Variants in PTGFR observed in about 807,000 individuals in gnomAD.
The protein encoded by PTGFR is prostaglandin F receptor, also known as prostaglandin F2-alpha receptor.
A neutral mutation model predicts 26.2 loss-of-function variants in PTGFR; 15 were observed. The ratio of observed to expected loss-of-function variants is 0.57; its 90% CI spans 0.38 to 0.88. The LOEUF is 0.88. Among genes scored for constraint, PTGFR ranks in the 40% least tolerant of loss-of-function variants. The pLI, the probability that PTGFR is intolerant of heterozygous loss-of-function variation, is 0.00. For missense variants in PTGFR, 369 were observed against 427.2 expected, an observed-to-expected ratio of 0.86 and a Z score of 1.20; for synonymous variants, 165 against 151.1, an observed-to-expected ratio of 1.09 and a Z score of -0.68.
chr1:78,518,901 A>G lies in PTGFR; in HGVS notation c.799-17505A>G, dbSNP rs566890522. Among the ~76,000 whole-genome samples the G allele has an allele frequency of 1.1e-3, 164 of 152,200 alleles. 2 individuals are homozygous for G. The highest frequency in any genetic ancestry group is 3.8e-3 in the African/African-American group (158 of 41,552). ...TTCTGGGAAGTAAAAGAGACAGAGC[A>G]CCGTAGCTAACCTCAGTGAATTCTG... On this transcript the variant is annotated intron_variant, in intron 2 of 2. Coordinates refer to ENST00000370757, the MANE Select transcript of PTGFR (RefSeq NM_000959.4).
rs571128425 is a variant in PTGFR, at chr1:78,522,423, T to C, written c.799-13983T>C. ...ATATTCACAGGTTCCAGGGCCTAGG[T>C]TGGGCATATTAAAGGGGTCATTTTT... On this transcript the variant is annotated intron_variant, in intron 2 of 2. Transcript: ENST00000370757. 5.3e-5 allele frequency among the ~76,000 whole-genome samples: 8 copies of C among 152,182 alleles called. No individual in the cohort carries two copies. In the East Asian group the frequency reaches 5.8e-4, roughly 11 times the overall value.
chr1:78,508,797 AAT>A (rs1291060065), intron 2 of PTGFR, among the ~76,000 whole-genome samples: 1 of 152,164 alleles, frequency 6.6e-6, no homozygotes, highest in East Asian at 1.9e-4. Context: ...ATTCTGTATA[AAT>A]TATAACGGCA....
chr1:78,501,799 A>G (rs1649712922), intron 2 of PTGFR, among the ~76,000 whole-genome samples: 1 of 152,194 alleles, frequency 6.6e-6, no homozygotes, highest in East Asian at 1.9e-4. Context: ...GAGTTACTCT[A>G]AGACAATTGT....
At chr1:78,519,209 A>C (rs2100382345) in intron 2 of PTGFR, among the ~76,000 whole-genome samples, 1 of 152,288 alleles carries the variant, frequency 6.6e-6, no homozygotes, top group South Asian at 2.1e-4. Context: ...TCCCAAGTCT[A>C]TACTTGAACC....
chr1:78,540,065 T>C lies in PTGFR; in HGVS notation c.*3378T>C, dbSNP rs1278123280. 6.6e-6 allele frequency among the ~76,000 whole-genome samples: 1 copy of C among 152,036 alleles called. No individual in the cohort carries two copies. The highest frequency in any genetic ancestry group is 1.5e-5 in the Non-Finnish European group (1 of 67,980). Reference sequence around the variant, plus strand: ...ACAGCGCCATAAACTTCACAAAAGTTTGTATCTCCCACATGGTTCCTGTCC... The same window carrying C: ...ACAGCGCCATAAACTTCACAAAAGTCTGTATCTCCCACATGGTTCCTGTCC... On this transcript the variant is annotated 3_prime_UTR_variant, in exon 3 of 3. Coordinates refer to ENST00000370757, the MANE Select transcript of PTGFR (RefSeq NM_000959.4).
chr1:78,500,641 G>T, intron 2 of PTGFR, among the ~76,000 whole-genome samples: 1 of 152,214 alleles, frequency 6.6e-6, no homozygotes, highest in East Asian at 1.9e-4. Context: ...TCTCTGGAAA[G>T]CTTCCTGCGT....
At chr1:78,535,031 G>A (rs1650611703) in intron 2 of PTGFR, among the ~76,000 whole-genome samples, 1 of 152,170 alleles carries the variant, frequency 6.6e-6, no homozygotes, top group Admixed American at 6.6e-5. Context: ...TGGAGAGAGA[G>A]TAATGATGAG....
chr1:78,491,997 C>T (rs1041305206), intron 1 of PTGFR, among the ~76,000 whole-genome samples: 1 of 152,194 alleles, frequency 6.6e-6, no homozygotes, highest in Non-Finnish European at 1.5e-5. Context: ...GAGCGTGGCC[C>T]GCCCCCTTCC....
chr1:78,504,512 G>A (rs971221641), intron 2 of PTGFR, among the ~76,000 whole-genome samples: 1 of 152,012 alleles, frequency 6.6e-6, no homozygotes, highest in African/African-American at 2.4e-5. Flanking sequence ...TATTATAAAA[G>A]CAGTTGTTTG....
intron 2 of PTGFR, among the ~76,000 whole-genome samples, chr1:78,504,931 A>C (rs912337749): frequency 6.6e-6 from 1 of 152,064 alleles, no homozygotes; most frequent in Non-Finnish European, 1.5e-5. Context: ...TATTAGCTTT[A>C]TGTACAATTA....
intron 2 of PTGFR, among the ~76,000 whole-genome samples, chr1:78,506,845 T>G (rs561738705): frequency 6.6e-6 from 1 of 152,316 alleles, no homozygotes; most frequent in African/African-American, 2.4e-5. Flanking sequence ...TTCCTGTTTC[T>G]TTGTTTATTG....
intron 2 of PTGFR, among the ~76,000 whole-genome samples, chr1:78,513,958 A>G (rs1451382068): frequency 6.6e-6 from 1 of 152,228 alleles, no homozygotes; most frequent in African/African-American, 2.4e-5. Flanking sequence ...GCAAAAGTGA[A>G]GGAGGTTTGG....
Position 78,538,208 on chromosome 1 carries a change from G to T in PTGFR, c.*1521G>T, listed in dbSNP as rs1336656760. ...ACCATTCTCCATCCTTCCTTATCAT[G>T]CTGGGTACAATGCTTCTATGAATAT... On this transcript the variant is annotated 3_prime_UTR_variant, in exon 3 of 3. Coordinates refer to ENST00000370757, the MANE Select transcript of PTGFR (RefSeq NM_000959.4). 1 of 152,074 alleles carries T rather than the reference G, an allele frequency of 6.6e-6. No individual in the cohort carries two copies. Among genetic ancestry groups the T allele is most frequent in the African/African-American group, 2.4e-5 (1 of 41,420 alleles). The allele number at this position is 152,074 out of a possible 1,614,324, so 9.4% of individuals were successfully genotyped here.
chr1:78,514,464 A>G (rs1650046196), intron 2 of PTGFR, among the ~76,000 whole-genome samples: 1 of 152,016 alleles, frequency 6.6e-6, no homozygotes, highest in Admixed American at 6.6e-5. Context: ...GGGAATGTAA[A>G]CCCAATGTCT....
At chr1:78,502,191 G>A (rs1339303648) in intron 2 of PTGFR, among the ~76,000 whole-genome samples, 1 of 152,108 alleles carries the variant, frequency 6.6e-6, no homozygotes, top group East Asian at 1.9e-4. Context: ...AATTTGTGAG[G>A]TATTAATTAT....
intron 2 of PTGFR, among the ~76,000 whole-genome samples, chr1:78,493,861 A>G (rs1336341297): frequency 2.0e-5 from 3 of 151,212 alleles, no homozygotes; most frequent in Non-Finnish European, 4.4e-5. Flanking sequence ...ATGACCAACT[A>G]TAAAACAACA....
chr1:78,508,957 A>G lies in PTGFR; in HGVS notation c.798+15416A>G, dbSNP rs188782793. Among the ~76,000 whole-genome samples the G allele has an allele frequency of 8.5e-5, 13 of 152,292 alleles. No individual in the cohort carries two copies. In the East Asian group the frequency reaches 2.5e-3, roughly 29 times the overall value. On this transcript the variant is annotated intron_variant, in intron 2 of 2. Coordinates refer to ENST00000370757, the MANE Select transcript of PTGFR (RefSeq NM_000959.4). ...TAGTGAGATGTTTGGGTATTTTGGT[A>G]TAGTCTAAGGAACTTTTAGTGCCAT...
At chr1:78,532,898 G>A (rs1031113469) in intron 2 of PTGFR, among the ~76,000 whole-genome samples, 5 of 152,236 alleles carry the variant, frequency 3.3e-5, no homozygotes, top group Non-Finnish European at 5.9e-5. Context: ...TATTAAGTAA[G>A]AGGTTATTTC....
chr1:78,539,868 T>G lies in PTGFR; in HGVS notation c.*3181T>G, dbSNP rs1197075985. The G allele has an allele frequency of 6.6e-6, 1 of 152,152 alleles. No homozygotes were observed. Among genetic ancestry groups the G allele is most frequent in the East Asian group, 1.9e-4 (1 of 5,192 alleles). 9.4% of individuals were successfully genotyped at this position (152,152 alleles called of 1,614,324 possible). A position where few individuals can be genotyped will look rare whatever the true frequency, so the allele number is the denominator to read the frequency against. ...CAACTTAATTTCCATTATTACCTTT[T>G]GCTCTCCCACCCTGCCCAATCTTCT... is the stretch of plus-strand genomic sequence containing the variant. On this transcript the variant is annotated 3_prime_UTR_variant, in exon 3 of 3. Transcript: ENST00000370757.
Sources: gnomAD v4.1 joint callset for allele counts (sites outside exome capture counted in the v4.1 genomes callset) on GRCh38, gnomAD v4.1.1 for gene constraint, MANE v1.5 for transcripts, NCBI Gene and HGNC (gene_info 2026-07-23, HGNC 2026-07-21) for gene names.